UACA: variants seen among roughly 807,000 people sequenced by gnomAD.
The protein encoded by UACA is uveal autoantigen with coiled-coil domains and ankyrin repeats.
In UACA, 112 loss-of-function variants were observed where a neutral mutation model predicts 160.5. That is an observed-to-expected ratio of 0.70 (90% confidence interval 0.60 to 0.82). The LOEUF is 0.82. Ranked by LOEUF, UACA falls within the 40% of genes least tolerant of loss-of-function variation. The pLI, the probability that UACA is intolerant of heterozygous loss-of-function variation, is 0.00. For missense variants in UACA, 1,574 were observed against 1,614.6 expected (o/e 0.97, Z 0.43); for synonymous variants, 557 against 568.4 (o/e 0.98, Z 0.29).
intron 5 of UACA, among the ~76,000 whole-genome samples, chr15:70,689,907 A>G (rs1897866919): frequency 6.6e-6 from 1 of 152,318 alleles, no homozygotes; most frequent in South Asian, 2.1e-4. Flanking sequence ...CAGCACTGAC[A>G]TCTCTAAAGG....
At chr15:70,698,827 C>T (rs1341166340) in intron 2 of UACA, among the ~76,000 whole-genome samples, 2 of 151,736 alleles carry the variant, frequency 1.3e-5, no homozygotes, top group African/African-American at 4.8e-5. Flanking sequence ...CTAGATCTAC[C>T]CTTTAACCCA....
At chr15:70,701,302 G>C (rs1898354990) in intron 1 of UACA, among the ~76,000 whole-genome samples, 1 of 152,174 alleles carries the variant, frequency 6.6e-6, no homozygotes, top group Non-Finnish European at 1.5e-5. Flanking sequence ...CCTTTCTTAA[G>C]CTTTAAAACA....
chr15:70,712,113 C>T (rs1898702083), intron 1 of UACA, among the ~76,000 whole-genome samples: 1 of 149,118 alleles, frequency 6.7e-6, no homozygotes, highest in South Asian at 2.1e-4. Flanking sequence ...TTTAAAAGTA[C>T]CTACATGTCC....
At chr15:70,689,198 T>G (rs190011168) in intron 5 of UACA, among the ~76,000 whole-genome samples, 1 of 152,220 alleles carries the variant, frequency 6.6e-6, no homozygotes, top group Non-Finnish European at 1.5e-5. Context: ...CACAGGTAAG[T>G]GGAGAAACAA....
At position 70,668,029 on chromosome 15, in the gene UACA, A is replaced by C. The variant is rs746224315; in HGVS notation, c.2655T>G (p.Asp885Glu). Reference sequence around the variant, plus strand: ...TTATATCTTCAAATTTTTTCTTCACATCTAATAATTCTCTGTTAGTTTTGG... The same window carrying C: ...TTATATCTTCAAATTTTTTCTTCACCTCTAATAATTCTCTGTTAGTTTTGG... ...TLAKTNRELL[D>E]VKKKFEDINQ... The change falls in exon 16 of 19, where the codon GAT becomes GAG. Residue 885 changes from aspartate to glutamate, a missense_variant. Physicochemically the swap from Asp to Glu is conservative, Grantham distance 45. Transcript: ENST00000322954. 3.7e-6 allele frequency: 6 copies of C among 1,609,396 alleles called. No individual in the cohort carries two copies. In the South Asian group the frequency reaches 6.7e-5, roughly 18 times the overall value.
chr15:70,758,276 G>A (rs1384283113), intron 1 of UACA: 1 of 152,098 alleles, frequency 6.6e-6, no homozygotes, highest in African/African-American at 2.4e-5. Flanking sequence ...AACTATAAAA[G>A]AAGGGTTTCT....
intron 1 of UACA, among the ~76,000 whole-genome samples, chr15:70,717,457 G>C (rs531437088): frequency 1.6e-4 from 25 of 152,306 alleles, no homozygotes; most frequent in African/African-American, 6.0e-4. Flanking sequence ...CTCTGCCACT[G>C]TAAACTAAAA....
At chr15:70,709,580 A>G (rs747206115) in intron 1 of UACA, among the ~76,000 whole-genome samples, 3 of 152,208 alleles carry the variant, frequency 2.0e-5, no homozygotes, top group Non-Finnish European at 4.4e-5. Context: ...GAGATACCCC[A>G]TAATTCCACC....
intron 14 of UACA, chr15:70,671,750 AG>A (rs959477033): frequency 1.2e-5 from 4 of 344,444 alleles, no homozygotes; most frequent in African/African-American, 8.5e-5. Flanking sequence ...TTTAAAATAC[AG>A]GTAGCTAAGG....
rs1262904710 is a variant in UACA, at chr15:70,656,232, G to A, written c.*824C>T. ...AGGATGCATATATAATGAGTGCTTG[G>A]TTACTATAGTAGCGAATGTCAAACT... On this transcript the variant is annotated 3_prime_UTR_variant, in exon 19 of 19. Transcript: ENST00000322954. The A allele has an allele frequency of 6.6e-6, 1 of 151,944 alleles. No homozygotes were observed. The highest frequency in any genetic ancestry group is 1.5e-5 in the Non-Finnish European group (1 of 67,984). 9.4% of individuals were successfully genotyped at this position (151,944 alleles called of 1,614,324 possible). A position where few individuals can be genotyped will look rare whatever the true frequency, so the allele number is the denominator to read the frequency against.
At chr15:70,756,672 A>ACAC (rs1433607750) in intron 1 of UACA, among the ~76,000 whole-genome samples, 2 of 151,952 alleles carry the variant, frequency 1.3e-5, no homozygotes, top group African/African-American at 4.8e-5. Context: ...CAGGAGTTCA[A>ACAC]CACCAGCCTG....
At chr15:70,745,700 G>A (rs1361940189) in intron 1 of UACA, among the ~76,000 whole-genome samples, 1 of 152,136 alleles carries the variant, frequency 6.6e-6, no homozygotes, top group Non-Finnish European at 1.5e-5. Context: ...CATGCTACCT[G>A]ACTTCAAACT....
chr15:70,737,578 G>T (rs1229194184), intron 1 of UACA, among the ~76,000 whole-genome samples: 1 of 151,970 alleles, frequency 6.6e-6, no homozygotes, highest in Non-Finnish European at 1.5e-5. Context: ...CATGGTGACG[G>T]GCACCTGTAG....
intron 3 of UACA, among the ~76,000 whole-genome samples, chr15:70,692,852 T>C (rs950687446): frequency 1.3e-5 from 2 of 152,210 alleles, no homozygotes; most frequent in African/African-American, 4.8e-5. Context: ...TTATTCATCT[T>C]GGAGGGATAA....
chr15:70,691,333 T>C lies in UACA; in HGVS notation c.332A>G (p.Tyr111Cys). Residue 111 changes from tyrosine (Y) to cysteine (C), a missense_variant, in exon 4 of 19, where the codon TAT (tyrosine) becomes TGT (cysteine). By Grantham distance (194) the Tyr-to-Cys change is radical. Coordinates refer to ENST00000322954, the MANE Select transcript of UACA (RefSeq NM_018003.4). The stretch of plus-strand genomic sequence containing the variant: ...TTTTTGTAGGCACAATGCATGTCCA[T>C]ACTTAGCAGCCAGGTGAAGAGCATT... ...GRNALHLAAK[Y>C]GHALCLQKLL... 1 of 1,609,912 alleles carries C rather than the reference T, an allele frequency of 6.2e-7. No homozygotes were observed. The highest frequency in any genetic ancestry group is 8.5e-7 in the Non-Finnish European group (1 of 1,177,768).
intron 7 of UACA, 125 bp downstream of exon 7, chr15:70,687,415 A>C: frequency 1.3e-6 from 1 of 785,042 alleles, no homozygotes; most frequent in South Asian, 1.7e-5. Context: ...AGGAAAAGCA[A>C]GCCAGGGAAG....
At chr15:70,675,584 A>G (rs1035518781) in intron 13 of UACA, among the ~76,000 whole-genome samples, 4 of 152,218 alleles carry the variant, frequency 2.6e-5, no homozygotes, top group African/African-American at 9.7e-5. Flanking sequence ...GATTAGTTTT[A>G]TCTGCTTTTG....
At chr15:70,728,777 G>C (rs1783641414) in intron 1 of UACA, among the ~76,000 whole-genome samples, 1 of 151,936 alleles carries the variant, frequency 6.6e-6, no homozygotes, top group African/African-American at 2.4e-5. Flanking sequence ...GGAGAAAATA[G>C]TCACAAACTA....
the UACA span, among the ~76,000 whole-genome samples, chr15:70,770,017 GAA>G: frequency 6.6e-6 from 1 of 151,976 alleles, no homozygotes. Context: ...AAATAAAAAA[GAA>G]AAGTGTATTT....
Sources: gnomAD v4.1 joint callset for allele counts (sites outside exome capture counted in the v4.1 genomes callset) on GRCh38, gnomAD v4.1.1 for gene constraint, MANE v1.5 for transcripts, NCBI Gene and HGNC (gene_info 2026-07-23, HGNC 2026-07-21) for gene names.